The following GLDC variants were observed in gnomAD, a reference collection of about 807,000 sequenced individuals.
GLDC encodes the protein glycine decarboxylase.
A neutral mutation model predicts 121.3 loss-of-function variants in GLDC; 104 were observed. The observed-to-expected ratio is 0.86, with a 90% confidence interval of 0.73 to 1.01. The LOEUF (loss-of-function observed/expected upper bound fraction) is 1.01, where lower values mean the gene tolerates loss of function less well. GLDC is among the 50% of genes least tolerant of loss of function. The pLI is 0.00. For missense variants in GLDC, 1,429 were observed against 1,306.6 expected (o/e 1.09, Z -1.44); for synonymous variants, 546 against 480.6 (o/e 1.14, Z -1.78).
chr9:6,635,478 C>G (rs564131762), intron 2 of GLDC, among the ~76,000 whole-genome samples: 1 of 152,266 alleles, frequency 6.6e-6, no homozygotes, highest in South Asian at 2.1e-4. Flanking sequence ...TAATTGATTT[C>G]AGTTTGATAG....
At chr9:6,612,333 T>C (rs1253248533) in intron 3 of GLDC, among the ~76,000 whole-genome samples, 1 of 151,998 alleles carries the variant, frequency 6.6e-6, no homozygotes, top group East Asian at 1.9e-4. Flanking sequence ...AAAGTCTCGA[T>C]ATTGTACTGC....
At chr9:6,601,631 G>C (rs750461273) in intron 8 of GLDC, among the ~76,000 whole-genome samples, 1 of 151,592 alleles carries the variant, frequency 6.6e-6, no homozygotes, top group Non-Finnish European at 1.5e-5. Context: ...TTTTTTGTGG[G>C]GGCAGGAGTT....
intron 16 of GLDC, among the ~76,000 whole-genome samples, chr9:6,565,042 C>T (rs927624839): frequency 2.0e-5 from 3 of 152,222 alleles, no homozygotes. Flanking sequence ...GGAGAGGATG[C>T]TTGCAATGGC....
chr9:6,598,182 A>C (rs1818528507), intron 8 of GLDC, among the ~76,000 whole-genome samples: 1 of 151,926 alleles, frequency 6.6e-6, no homozygotes, highest in Non-Finnish European at 1.5e-5. Flanking sequence ...TGTGTACCAC[A>C]ACACCTGGCT....
chr9:6,631,575 C>G (rs115057195), intron 2 of GLDC, among the ~76,000 whole-genome samples: 1,628 of 152,316 alleles, frequency 0.011, 20 homozygotes, highest in African/African-American at 0.037. Context: ...GGAATACCAG[C>G]TGACCTATGT....
At chr9:6,599,259 C>A (rs1818551375) in intron 8 of GLDC, among the ~76,000 whole-genome samples, 1 of 151,338 alleles carries the variant, frequency 6.6e-6, no homozygotes, top group Admixed American at 6.6e-5. Context: ...GGAAAATGAA[C>A]CTAGAGGCAG....
chr9:6,587,409 T>C (rs1257703380), intron 14 of GLDC, 126 bp from the exon 15 acceptor site: 3 of 722,608 alleles, frequency 4.2e-6, no homozygotes, highest in East Asian at 2.7e-5. Context: ...GCTATACATA[T>C]GTTAATTTAT....
Position 6,592,874 on chromosome 9 carries a change from A to C in GLDC, c.1378T>G (p.Phe460Val), listed in dbSNP as rs2129853060. The stretch of plus-strand genomic sequence containing the variant: ...ACTGTGCCATCCTCAAAAAGCCGAA[A>C]ATTGATCTGCCGCTGAGCGGCCCTG... The part of the protein sequence containing the change: ...LGRAAQRQIN[F>V]RLFEDGTLGI... The change falls in exon 10 of 25, where the codon TTT (phenylalanine) becomes GTT (valine). Residue 460 changes from phenylalanine (F) to valine (V), a missense_variant. Phe to Val is a conservative substitution (Grantham distance 50). Transcript: ENST00000321612. 6.2e-7 allele frequency: 1 copy of C among 1,613,816 alleles called. No individual in the cohort carries two copies. The highest frequency in any genetic ancestry group is 8.5e-7 in the Non-Finnish European group (1 of 1,179,980).
Position 6,595,028 on chromosome 9 carries a change from A to C in GLDC, c.1247T>G (p.Leu416Trp). Residue 416 changes from leucine to tryptophan, a missense_variant, in exon 9 of 25, where the codon TTG becomes TGG. Transcript: ENST00000321612. Reference sequence around the variant, plus strand: ...TACCAACTCACCTTCTGACAAAATCAAAGTGGCATTATGTACCCTCCTAGC... The same window carrying C: ...TACCAACTCACCTTCTGACAAAATCCAAGTGGCATTATGTACCCTCCTAGC... ...HIARRVHNATLILSEGLKRAG... is the reference protein window; with the variant it reads ...HIARRVHNATWILSEGLKRAG... 1 of 1,596,052 alleles carries C rather than the reference A, an allele frequency of 6.3e-7. No individual in the cohort carries two copies. The highest frequency in any genetic ancestry group is 8.6e-7 in the Non-Finnish European group (1 of 1,163,398).
chr9:6,578,482 A>C (rs959496634), intron 15 of GLDC, among the ~76,000 whole-genome samples: 7 of 152,144 alleles, frequency 4.6e-5, no homozygotes, highest in Non-Finnish European at 8.8e-5. Context: ...TTTTAGCTAC[A>C]GCCCGTGATG....
intron 23 of GLDC, among the ~76,000 whole-genome samples, chr9:6,535,380 C>T (rs1009135333): frequency 1.3e-5 from 2 of 151,088 alleles, no homozygotes; most frequent in African/African-American, 4.9e-5. Context: ...ACTCTGTGAA[C>T]TCACCTCTAG....
intron 2 of GLDC, among the ~76,000 whole-genome samples, chr9:6,624,602 C>T (rs1049411723): frequency 1.3e-5 from 2 of 152,146 alleles, no homozygotes; most frequent in African/African-American, 4.8e-5. Context: ...TACTATATTA[C>T]ATGGCAGCCA....
At chr9:6,621,358 T>C (rs967632718) in intron 2 of GLDC, among the ~76,000 whole-genome samples, 1 of 152,194 alleles carries the variant, frequency 6.6e-6, no homozygotes, top group Non-Finnish European at 1.5e-5. Flanking sequence ...CCAGGAATTG[T>C]ACCATATGCT....
At chr9:6,544,891 G>A (rs1157511135) in intron 21 of GLDC, among the ~76,000 whole-genome samples, 1 of 152,062 alleles carries the variant, frequency 6.6e-6, no homozygotes, top group African/African-American at 2.4e-5. Context: ...CCTGAGGTCG[G>A]TAGTTTGAGA....
intron 19 of GLDC, 133 bp downstream of exon 19, chr9:6,554,536 G>A (rs1817578281): frequency 1.4e-6 from 1 of 734,682 alleles, no homozygotes. Context: ...TCCTCCCCCA[G>A]CCCCTACAAG....
chr9:6,553,643 T>G, intron 19 of GLDC, 134 bp from the exon 20 acceptor site: 1 of 812,234 alleles, frequency 1.2e-6, no homozygotes, highest in Admixed American at 1.9e-5. Context: ...CTCCACCTGC[T>G]GGGAGGCAGA....
chr9:6,585,351 A>C (rs1288133910), intron 15 of GLDC, among the ~76,000 whole-genome samples: 1 of 152,244 alleles, frequency 6.6e-6, no homozygotes, highest in Admixed American at 6.5e-5. Context: ...AATTTTCAAC[A>C]TTTAATAACT....
At chr9:6,541,475 T>C (rs1467772519) in intron 21 of GLDC, 2 of 152,180 alleles carry the variant, frequency 1.3e-5, no homozygotes, top group Admixed American at 6.5e-5. Context: ...CAGTAATTAA[T>C]AGCCCCTGAA....
At chr9:6,582,611 C>T (rs1252185057) in intron 15 of GLDC, among the ~76,000 whole-genome samples, 3 of 151,708 alleles carry the variant, frequency 2.0e-5, no homozygotes, top group Admixed American at 6.6e-5. Context: ...GGGTGGATCA[C>T]GAGGTCAGGA....
Sources: gnomAD v4.1 joint callset for allele counts (sites outside exome capture counted in the v4.1 genomes callset) on GRCh38, gnomAD v4.1.1 for gene constraint, MANE v1.5 for transcripts, NCBI Gene and HGNC (gene_info 2026-07-23, HGNC 2026-07-21) for gene names.